Variants in DIP2C observed in about 807,000 individuals in gnomAD.
DIP2C encodes disco-interacting protein 2 homolog C.
Under a neutral mutation model 192.4 loss-of-function variants are expected in DIP2C, and 33 were observed. That is an observed-to-expected ratio of 0.17 (90% CI 0.13 to 0.23). The LOEUF is 0.23. DIP2C is among the 10% of genes least tolerant of loss of function. DIP2C has a pLI of 1.00. For missense variants in DIP2C, 1,537 were observed against 2,110.1 expected (o/e 0.73, Z 5.32); for synonymous variants, 979 against 864.1 (o/e 1.13, Z -2.33).
chr10:491,405 T>C (rs915156751), intron 1 of DIP2C, among the ~76,000 whole-genome samples: 2 of 152,236 alleles, frequency 1.3e-5, no homozygotes, highest in Non-Finnish European at 2.9e-5. Context: ...TCTGAGCCTA[T>C]TGCTTTATAA....
intron 1 of DIP2C, among the ~76,000 whole-genome samples, chr10:515,378 C>G (rs1453810977): frequency 6.6e-6 from 1 of 152,160 alleles, no homozygotes; most frequent in Non-Finnish European, 1.5e-5. Flanking sequence ...CTCTTCCAAG[C>G]TGATTTTCAA....
intron 9 of DIP2C, among the ~76,000 whole-genome samples, chr10:406,467 T>G (rs151298165): frequency 6.6e-6 from 1 of 152,342 alleles, no homozygotes; most frequent in East Asian, 1.9e-4. Flanking sequence ...AGGGATGTCA[T>G]GAAACCACTC....
intron 1 of DIP2C, among the ~76,000 whole-genome samples, chr10:522,041 C>T (rs368395438): frequency 2.8e-4 from 42 of 152,168 alleles, no homozygotes; most frequent in South Asian, 2.5e-3. Flanking sequence ...CAGCCCCACA[C>T]GGAGTTGCTT....
chr10:400,394 A>T (rs1964323071), intron 9 of DIP2C, among the ~76,000 whole-genome samples: 1 of 152,220 alleles, frequency 6.6e-6, no homozygotes, highest in South Asian at 2.1e-4. Context: ...TCGATGATAG[A>T]GTGTTAATAG....
intron 1 of DIP2C, among the ~76,000 whole-genome samples, chr10:557,248 T>C (rs1055669656): frequency 4.6e-5 from 7 of 152,220 alleles, no homozygotes; most frequent in South Asian, 2.1e-4. Flanking sequence ...CACAGCATCC[T>C]GGAGCAGAAC....
chr10:606,379 G>A (rs1172485523), intron 1 of DIP2C, among the ~76,000 whole-genome samples: 2 of 151,334 alleles, frequency 1.3e-5, no homozygotes, highest in African/African-American at 4.8e-5. Context: ...TTGGTTGGGA[G>A]GGGATCTCAC....
chr10:559,812 C>A lies in DIP2C; in HGVS notation c.86-73282G>T, dbSNP rs571868238. On this transcript the variant is annotated intron_variant, in intron 1 of 36. Transcript: ENST00000280886. ...GCCCCGGCCTGGCAGGAGGCCACTGCTGGGGCCCCTGCTCAGGGTTCAGCA... is the reference window on the plus strand; with the variant it reads ...GCCCCGGCCTGGCAGGAGGCCACTGATGGGGCCCCTGCTCAGGGTTCAGCA... Among the ~76,000 whole-genome samples, 175 of 152,342 alleles carry A rather than the reference C, an allele frequency of 1.1e-3. 2 individuals are homozygous for A. The Middle Eastern group carries it at 0.031, about 27-fold the overall frequency.
chr10:441,115 G>A (rs929951621), intron 3 of DIP2C, 119 bp from the exon 4 acceptor site: 10 of 1,180,308 alleles, frequency 8.5e-6, no homozygotes, highest in Admixed American at 3.4e-5. Context: ...CCAACAGATG[G>A]GTGGGCGAGG....
chr10:591,168 G>GGTGGA (rs1851382630), intron 1 of DIP2C, among the ~76,000 whole-genome samples: 3 of 152,128 alleles, frequency 2.0e-5, no homozygotes, highest in Admixed American at 2.0e-4. Flanking sequence ...TGTCACCCAG[G>GGTGGA]GTGGAGTGGA....
intron 1 of DIP2C, among the ~76,000 whole-genome samples, chr10:632,417 G>C (rs910986370): frequency 3.4e-5 from 5 of 146,930 alleles, no homozygotes; most frequent in African/African-American, 1.3e-4. Flanking sequence ...GGCCAGCACC[G>C]TAACTGGAGA....
intron 1 of DIP2C, among the ~76,000 whole-genome samples, chr10:596,475 G>A (rs929393143): frequency 8.5e-5 from 10 of 116,978 alleles, no homozygotes; most frequent in East Asian, 5.9e-4. Context: ...CAGCCTGGGC[G>A]ACCAGTGCGA....
chr10:443,417 G>T (rs892832216), intron 3 of DIP2C, among the ~76,000 whole-genome samples: 7 of 152,158 alleles, frequency 4.6e-5, no homozygotes, highest in African/African-American at 1.7e-4. Context: ...TTCCAGATTT[G>T]ACACCGGATT....
Position 542,515 on chromosome 10 carries a change from G to A in DIP2C, c.86-55985C>T, listed in dbSNP as rs1031952061. On this transcript the variant is annotated intron_variant, in intron 1 of 36. Transcript: ENST00000280886. ...GCCCCAGCATTCCCCAGCCACTACG[G>A]CCGACAGCCCAGGCTCCAGAAATGC... Among the ~76,000 whole-genome samples, 4 of 152,194 alleles carry A rather than the reference G, an allele frequency of 2.6e-5. No individual in the cohort carries two copies. In the East Asian group the frequency reaches 5.8e-4, roughly 22 times the overall value.
intron 2 of DIP2C, among the ~76,000 whole-genome samples, chr10:484,174 CAT>C (rs1238823664): frequency 6.6e-6 from 1 of 152,224 alleles, no homozygotes; most frequent in Admixed American, 6.5e-5. Context: ...CTTCCACCTG[CAT>C]ATGATTTTCT....
chr10:523,176 G>C (rs1423128992), intron 1 of DIP2C, among the ~76,000 whole-genome samples: 2 of 149,936 alleles, frequency 1.3e-5, no homozygotes, highest in African/African-American at 4.9e-5. Flanking sequence ...TGAAGATGCA[G>C]GGACTCTGAC....
intron 1 of DIP2C, among the ~76,000 whole-genome samples, chr10:601,062 CTG>C (rs1257301345): frequency 1.3e-5 from 2 of 151,936 alleles, no homozygotes; most frequent in Non-Finnish European, 2.9e-5. Flanking sequence ...CTGGCGTACT[CTG>C]AAATGAATTT....
chr10:433,895 G>T (rs1049256447), intron 4 of DIP2C, among the ~76,000 whole-genome samples: 1 of 149,134 alleles, frequency 6.7e-6, no homozygotes, highest in African/African-American at 2.6e-5. Context: ...TTGCCCTTTT[G>T]TCTTTTTTTT....
At chr10:280,069 C>T (rs940814876) in intron 36 of DIP2C, among the ~76,000 whole-genome samples, 2 of 151,818 alleles carry the variant, frequency 1.3e-5, no homozygotes, top group African/African-American at 4.8e-5. Flanking sequence ...TTTCTGTCTT[C>T]TCTGTATACT....
intron 22 of DIP2C, among the ~76,000 whole-genome samples, chr10:358,455 G>A (rs992130931): frequency 2.0e-5 from 3 of 147,642 alleles, no homozygotes; most frequent in Non-Finnish European, 3.0e-5. Flanking sequence ...GTCGCTTCTC[G>A]GTATGTTATA....
Sources: gnomAD v4.1 joint callset for allele counts (sites outside exome capture counted in the v4.1 genomes callset) on GRCh38, gnomAD v4.1.1 for gene constraint, MANE v1.5 for transcripts, NCBI Gene and HGNC (gene_info 2026-07-23, HGNC 2026-07-21) for gene names.